The following EXO1 variants were observed in gnomAD, a reference collection of about 807,000 sequenced individuals.
The protein encoded by EXO1 is exonuclease 1.
Under a neutral mutation model 84.5 loss-of-function variants are expected in EXO1, and 69 were observed. The observed-to-expected ratio is 0.82, with a 90% CI of 0.67 to 1.00. The LOEUF is 1.00. EXO1 is among the 50% of genes least tolerant of loss of function. The probability of loss-of-function intolerance (pLI) is 0.00; values close to 1 mark genes in which losing one functional copy is unlikely to be tolerated. For synonymous variants in EXO1, 373 were observed against 366.1 expected (o/e 1.02, Z -0.21); for missense variants, 1,045 against 1,000.7 (o/e 1.04, Z -0.60).
intron 12 of EXO1, among the ~76,000 whole-genome samples, chr1:241,874,507 C>T (rs375159505): frequency 2.1e-3 from 316 of 152,282 alleles, no homozygotes; most frequent in African/African-American, 7.3e-3. Flanking sequence ...GAAGAGTGGG[C>T]TGAAGAGGGC....
intron 12 of EXO1, among the ~76,000 whole-genome samples, chr1:241,878,041 A>G (rs1218557977): frequency 6.6e-6 from 1 of 152,216 alleles, no homozygotes; most frequent in Non-Finnish European, 1.5e-5. Flanking sequence ...GCCCCATCCT[A>G]GGTACTGTGG....
intron 15 of EXO1, among the ~76,000 whole-genome samples, chr1:241,887,604 T>G (rs1167578374): frequency 6.6e-6 from 1 of 152,174 alleles, no homozygotes; most frequent in East Asian, 1.9e-4. Context: ...TTCTTTAAAG[T>G]AACAGGCTCT....
chr1:241,885,832 A>G (rs1663032785), intron 15 of EXO1, among the ~76,000 whole-genome samples: 1 of 122,402 alleles, frequency 8.2e-6, no homozygotes, highest in African/African-American at 2.9e-5. Flanking sequence ...ATAAAATTTT[A>G]TTTGGTTTTT....
At chr1:241,860,232 A>T (rs895063294) in intron 8 of EXO1, among the ~76,000 whole-genome samples, 2 of 152,160 alleles carry the variant, frequency 1.3e-5, no homozygotes, top group African/African-American at 4.8e-5. Flanking sequence ...AGATGAATGG[A>T]TAATGTATCT....
At chr1:241,866,561 GA>G (rs942922198) in intron 10 of EXO1, among the ~76,000 whole-genome samples, 2 of 116,466 alleles carry the variant, frequency 1.7e-5, no homozygotes, top group African/African-American at 3.0e-5. Flanking sequence ...AGCAACTCTT[GA>G]TTTTTTTTTT....
In EXO1 at chr1:241,861,471, A is replaced by C. The variant is rs781262681; in HGVS notation, c.1010A>C (p.Gln337Pro). 2 of 1,592,662 alleles carry C rather than the reference A, an allele frequency of 1.3e-6. No homozygotes were observed. The highest frequency in any genetic ancestry group is 1.1e-5 in the South Asian group (1 of 90,650). ...LGNKDINTFEQIDDYNPDTAM... is the reference protein window; with the variant it reads ...LGNKDINTFEPIDDYNPDTAM... ...AATAAAGATATAAATACTTTTGAAC[A>C]GATCGATGACTACAATCCAGACACT... Residue 337 changes from glutamine to proline, a missense_variant, in exon 10 of 16, where the codon CAG (glutamine) becomes CCG (proline). By Grantham distance (76) the Gln-to-Pro change is moderately conservative. Coordinates refer to ENST00000366548, the MANE Select transcript of EXO1 (RefSeq NM_130398.4).
intron 15 of EXO1, among the ~76,000 whole-genome samples, chr1:241,888,565 C>T (rs1558151090): frequency 6.6e-6 from 1 of 152,106 alleles, no homozygotes. Flanking sequence ...TGGGACTCTC[C>T]AGGGGTTGTG....
intron 14 of EXO1, among the ~76,000 whole-genome samples, chr1:241,882,975 A>C (rs1168348710): frequency 1.3e-5 from 2 of 152,206 alleles, no homozygotes; most frequent in Admixed American, 6.5e-5. Context: ...TTTAAATACA[A>C]GAATACTTAA....
chr1:241,882,679 A>G (rs4658381), intron 14 of EXO1, among the ~76,000 whole-genome samples: 27,807 of 152,164 alleles, frequency 0.18, 2,957 homozygotes, highest in East Asian at 0.44. Flanking sequence ...AAGGAAAAGT[A>G]CCAATGGTTG....
In EXO1 at chr1:241,852,285, T is replaced by TC; in HGVS notation, c.162-5dup. 3.1e-6 allele frequency: 5 copies of TC among 1,601,520 alleles called. No homozygotes were observed. In the South Asian group the frequency reaches 5.5e-5, roughly 18 times the overall value. On this transcript the variant is annotated splice_region_variant and splice_polypyrimidine_tract_variant and intron_variant, in intron 4 of 15. Coordinates refer to ENST00000366548, the MANE Select transcript of EXO1 (RefSeq NM_130398.4). ...GAAGCACTGAATGTTTTTCTTTTTT[T>TC]CCATAGGTATGTAGGATTTTGTATG... is the stretch of plus-strand genomic sequence containing the variant.
In EXO1 at chr1:241,861,307, A is replaced by G. The variant is rs1661368245; in HGVS notation, c.945-99A>G. ...GAGACTCCATTTAAGTCATAAACCT[A>G]TGGATTTTCGTGACAATAGAAAACA... On this transcript the variant is annotated intron_variant, in intron 9 of 15. Transcript: ENST00000366548. 18 of 727,080 alleles carry G rather than the reference A, an allele frequency of 2.5e-5. No homozygotes were observed. In the East Asian group the frequency reaches 4.1e-4, roughly 17 times the overall value. 45.0% of individuals were successfully genotyped at this position (727,080 alleles called of 1,614,324 possible).
rs1307119615 is a variant in EXO1, at chr1:241,878,844, T to C, written c.1610T>C (p.Leu537Pro). 1 of 1,614,074 alleles carries C rather than the reference T, an allele frequency of 6.2e-7. No individual in the cohort carries two copies. Among genetic ancestry groups the C allele is most frequent in the Non-Finnish European group, 8.5e-7 (1 of 1,179,962 alleles). ...GCTGTCACAGATAAAGAGAACAATC[T>C]GCATGAATCAGAGTATGGAGACCAA... ...ETAVTDKENN[L>P]HESEYGDQEG... Residue 537 changes from leucine to proline, a missense_variant, in exon 13 of 16, where the codon CTG becomes CCG. Physicochemically the swap from Leu to Pro is moderately conservative, Grantham distance 98. Transcript: ENST00000366548.
intron 11 of EXO1, 103 bp downstream of exon 11, chr1:241,867,158 A>G (rs1017352115): frequency 1.4e-5 from 12 of 858,282 alleles, no homozygotes; most frequent in Non-Finnish European, 2.1e-5. Flanking sequence ...TTTCTCCTAG[A>G]AGTTTTATAG....
chr1:241,858,412 A>C, intron 7 of EXO1, 94 bp from the exon 8 acceptor site: 3 of 782,832 alleles, frequency 3.8e-6, no homozygotes, highest in Non-Finnish European at 6.7e-6. Flanking sequence ...TGTTATGGTG[A>C]AGAACAAGAA....
At chr1:241,887,628 ATTTG>A (rs1196017196) in intron 15 of EXO1, among the ~76,000 whole-genome samples, 4 of 151,888 alleles carry the variant, frequency 2.6e-5, no homozygotes, top group East Asian at 1.9e-4. Context: ...TGCTCATTTT[ATTTG>A]TTTGTTTATT....
rs1345823759 is a variant in EXO1, at chr1:241,853,458, G to A, written c.382G>A (p.Ala128Thr). The A allele has an allele frequency of 1.9e-6, 3 of 1,614,030 alleles. No individual in the cohort carries two copies. Among genetic ancestry groups the A allele is most frequent in the Non-Finnish European group, 1.7e-6 (2 of 1,180,018 alleles). The change falls in exon 6 of 16, where the codon GCC becomes ACC. Residue 128 changes from alanine to threonine, a missense_variant. Physicochemically the swap from Ala to Thr is moderately conservative, Grantham distance 58. Transcript: ENST00000366548. ...CFTRSINITH[A>T]MAHKVIKAAR... ...CACCCGGTCTATCAATATCACACATGCCATGGCCCACAAAGTAATTAAAGT... is the reference window on the plus strand; with the variant it reads ...CACCCGGTCTATCAATATCACACATACCATGGCCCACAAAGTAATTAAAGT...
At chr1:241,886,127 C>G (rs1211102326) in intron 15 of EXO1, among the ~76,000 whole-genome samples, 1 of 152,224 alleles carries the variant, frequency 6.6e-6, no homozygotes, top group Non-Finnish European at 1.5e-5. Context: ...GCTGGGATTA[C>G]AGGCGTAAGC....
At chr1:241,863,518 A>G (rs545106041) in intron 10 of EXO1, among the ~76,000 whole-genome samples, 55 of 152,300 alleles carry the variant, frequency 3.6e-4, no homozygotes, top group Admixed American at 1.0e-3. Context: ...TTACCATGTA[A>G]AGGAACCAGA....
At position 241,850,290 on chromosome 1, in the gene EXO1, A is replaced by C. The variant is rs113610899; in HGVS notation, c.-17-119A>C. The C allele has an allele frequency of 2.0e-3, 1,403 of 690,348 alleles. 4 individuals are homozygous for C. Among genetic ancestry groups the C allele is most frequent in the East Asian group, 3.6e-3 (117 of 32,574 alleles). 42.8% of individuals were successfully genotyped at this position (690,348 alleles called of 1,614,324 possible). On this transcript the variant is annotated intron_variant, in intron 3 of 15. Transcript: ENST00000366548. ...GCGAGACTCCGTCTCAAAAAAAAAAAAAAACAACAAACCAATTTCTGCATT... is the reference window on the plus strand; with the variant it reads ...GCGAGACTCCGTCTCAAAAAAAAAACAAAACAACAAACCAATTTCTGCATT...
Sources: allele counts gnomAD v4.1 joint callset (sites outside exome capture counted in the v4.1 genomes callset), GRCh38; gene constraint gnomAD v4.1.1; transcripts MANE v1.5; gene names NCBI Gene and HGNC (gene_info 2026-07-23, HGNC 2026-07-21).